Variants in PDLIM3 observed in about 807,000 individuals in gnomAD.
The protein encoded by PDLIM3 is PDZ and LIM domain 3, also known as PDZ and LIM domain protein 3.
In PDLIM3, 36 loss-of-function variants were observed where a neutral mutation model predicts 37.3. That is an observed-to-expected ratio of 0.97 (90% CI 0.74 to 1.28). PDLIM3 has a LOEUF of 1.28. Ranked by LOEUF, PDLIM3 falls within the 50% of genes most tolerant of loss-of-function variation. The probability of loss-of-function intolerance (pLI) is 0.00; values close to 1 mark genes in which losing one functional copy is unlikely to be tolerated. For missense variants in PDLIM3, 454 were observed against 485.0 expected (o/e 0.94, Z 0.60); for synonymous variants, 174 against 182.4 (o/e 0.95, Z 0.37).
At position 185,502,112 on chromosome 4, in the gene PDLIM3, T is replaced by C; in HGVS notation, c.*182A>G. 6 of 667,150 alleles carry C rather than the reference T, an allele frequency of 9.0e-6. No homozygotes were observed. The South Asian group carries it at 1.1e-4, about 12-fold the overall frequency. The allele number at this position is 667,150 out of a possible 1,614,324, so 41.3% of individuals were successfully genotyped here. A position where few individuals can be genotyped will look rare whatever the true frequency, so the allele number is the denominator to read the frequency against. ...AAACATAGCTAAGTGTATGTTTTTT[T>C]CACATAGCAGGCATTTGCCTCCCAT... is the stretch of plus-strand genomic sequence containing the variant. On this transcript the variant is annotated 3_prime_UTR_variant, in exon 8 of 8. Transcript: ENST00000284767.
intron 7 of PDLIM3, among the ~76,000 whole-genome samples, chr4:185,503,418 G>A (rs141983046): frequency 4.2e-4 from 64 of 152,274 alleles, no homozygotes; most frequent in African/African-American, 1.5e-3. Flanking sequence ...CGAGCTCCCT[G>A]CCCTGCTTTG....
chr4:185,511,356 T>C (rs1404834474), intron 4 of PDLIM3, among the ~76,000 whole-genome samples: 1 of 126,960 alleles, frequency 7.9e-6, no homozygotes, highest in Admixed American at 8.3e-5. Context: ...ATTTAGCATG[T>C]CCAACTTACT....
intron 4 of PDLIM3, chr4:185,513,445 C>A (rs2095709787): frequency 1.1e-6 from 1 of 938,730 alleles, no homozygotes; most frequent in Non-Finnish European, 1.3e-6. Flanking sequence ...GGCCGTGTCT[C>A]ACACACTTAA....
chr4:185,509,355 T>C (rs1327991041), intron 4 of PDLIM3, among the ~76,000 whole-genome samples: 4 of 152,202 alleles, frequency 2.6e-5, no homozygotes, highest in Non-Finnish European at 5.9e-5. Flanking sequence ...GATGCTTATA[T>C]TTCTTACATA....
At chr4:185,526,391 CAG>C (rs1268751260) in intron 1 of PDLIM3, among the ~76,000 whole-genome samples, 2 of 152,188 alleles carry the variant, frequency 1.3e-5, no homozygotes, top group African/African-American at 2.4e-5. Flanking sequence ...ACTTAAAAAA[CAG>C]AGACTATCAA....
chr4:185,513,334 G>A lies in PDLIM3; in HGVS notation c.398+936C>T, dbSNP rs370419493. The A allele has an allele frequency of 5.0e-5, 49 of 985,256 alleles. No homozygotes were observed. In the East Asian group the frequency reaches 3.1e-3, roughly 62 times the overall value. The allele number at this position is 985,256 out of a possible 1,614,324, so 61.0% of individuals were successfully genotyped here. A position where few individuals can be genotyped will look rare whatever the true frequency, so the allele number is the denominator to read the frequency against. ...GTAGCTTCCTGAAAGGTCTGGACAT[G>A]GAAATCATACATAAGGGATGACCTG... On this transcript the variant is annotated intron_variant, in intron 4 of 7. Coordinates refer to ENST00000284767, the MANE Select transcript of PDLIM3 (RefSeq NM_014476.6).
intron 4 of PDLIM3, chr4:185,512,631 T>TA: frequency 2.0e-6 from 2 of 975,804 alleles, no homozygotes; most frequent in Non-Finnish European, 2.4e-6. Context: ...AGGTTTTTAG[T>TA]AAAGGCAGGA....
chr4:185,508,470 A>C lies in PDLIM3; in HGVS notation c.491T>G (p.Leu164Trp). 2 of 1,614,224 alleles carry C rather than the reference A, an allele frequency of 1.2e-6. No individual in the cohort carries two copies. The highest frequency in any genetic ancestry group is 1.7e-6 in the Non-Finnish European group (2 of 1,180,038). Residue 164 changes from leucine to tryptophan, a missense_variant, in exon 5 of 8, where the codon TTG (leucine) becomes TGG (tryptophan). By Grantham distance (61) the Leu-to-Trp change is moderately conservative. Transcript: ENST00000284767. ...AGGGGCCAGCTTAGCCGCAACTTTC[A>C]AGTCACCTGGGCAAATGGTACTAAC... ...STVSTICPGD[L>W]KVAAKLAPNI... is the part of the protein sequence containing the mutation.
In PDLIM3 at chr4:185,504,443, T is replaced by A; in HGVS notation, c.905+32A>T. ...AGAAATGAACTGTCGCCAAGCTGTATCGTAAATTCCAGGGTTAAAAGTGAA... is the reference window on the plus strand; with the variant it reads ...AGAAATGAACTGTCGCCAAGCTGTAACGTAAATTCCAGGGTTAAAAGTGAA... On this transcript the variant is annotated intron_variant, in intron 7 of 7. Transcript: ENST00000284767. This position sits in a 1 kb window ranked among gnomAD's most constrained non-coding sequence, Gnocchi z 4.7. The A allele has an allele frequency of 6.6e-7, 1 of 1,520,556 alleles. No homozygotes were observed. Among genetic ancestry groups the A allele is most frequent in the Non-Finnish European group, 9.1e-7 (1 of 1,095,256 alleles). 94.2% of individuals were successfully genotyped at this position (1,520,556 alleles called of 1,614,324 possible). A position where few individuals can be genotyped will look rare whatever the true frequency, so the allele number is the denominator to read the frequency against.
chr4:185,511,301 A>AACT (rs2095706133), intron 4 of PDLIM3, among the ~76,000 whole-genome samples: 1 of 152,234 alleles, frequency 6.6e-6, no homozygotes, highest in Non-Finnish European at 1.5e-5. Context: ...TAATCAAAAG[A>AACT]ACTATAGCTA....
At chr4:185,505,321 T>A (rs1160112262) in intron 6 of PDLIM3, among the ~76,000 whole-genome samples, 2 of 152,222 alleles carry the variant, frequency 1.3e-5, no homozygotes. Flanking sequence ...CTATTGTGAA[T>A]AAGATAAATG....
chr4:185,525,505 AAT>A (rs1371484483), intron 1 of PDLIM3, among the ~76,000 whole-genome samples: 7 of 152,080 alleles, frequency 4.6e-5, no homozygotes, highest in Non-Finnish European at 7.4e-5. Flanking sequence ...TCTATTTGGG[AAT>A]AGAGTTTTAC....
chr4:185,508,328 T>C lies in PDLIM3; in HGVS notation c.633A>G (p.Ser211=), dbSNP rs771159457. Residue 211 remains serine, a synonymous_variant, in exon 5 of 8, where the codon TCA becomes TCG. Transcript: ENST00000284767. ...TCAAAGGTGTTTCCCCTAGGGCTGT[T>C]GAAACCTGACCCTGGAGTGTTTCCA... The part of the protein sequence containing the change: ...NIMETLQGQV[S]TALGETPLMS... 1 of 1,614,194 alleles carries C rather than the reference T, an allele frequency of 6.2e-7. No homozygotes were observed. The highest frequency in any genetic ancestry group is 1.1e-5 in the South Asian group (1 of 91,086).
chr4:185,530,774 A>G (rs762626846), intron 1 of PDLIM3, among the ~76,000 whole-genome samples: 5 of 152,158 alleles, frequency 3.3e-5, no homozygotes, highest in Non-Finnish European at 5.9e-5. Flanking sequence ...CCCTTTGTCC[A>G]GCGTATCCAC....
At chr4:185,509,664 A>G (rs1428953986) in intron 4 of PDLIM3, among the ~76,000 whole-genome samples, 1 of 152,222 alleles carries the variant, frequency 6.6e-6, no homozygotes, top group Non-Finnish European at 1.5e-5. Flanking sequence ...GTAAATATTT[A>G]TCATACTTTC....
chr4:185,535,280 C>T (rs1236415882), intron 1 of PDLIM3, 62 bp downstream of exon 1: 31 of 1,426,576 alleles, frequency 2.2e-5, no homozygotes, highest in Non-Finnish European at 2.9e-5. Context: ...GCATCCACTG[C>T]GTCCCCCCGG....
chr4:185,519,447 G>C (rs917161046), intron 3 of PDLIM3, among the ~76,000 whole-genome samples: 2 of 152,142 alleles, frequency 1.3e-5, no homozygotes, highest in South Asian at 2.1e-4. Flanking sequence ...CACCACATCT[G>C]GCTAATTTTT....
intron 1 of PDLIM3, among the ~76,000 whole-genome samples, chr4:185,526,842 C>A (rs1322037422): frequency 1.3e-5 from 2 of 152,194 alleles, no homozygotes; most frequent in African/African-American, 4.8e-5. Context: ...TCCTTCTCAA[C>A]CTTTAGGTCT....
chr4:185,504,928 T>C lies in PDLIM3; in HGVS notation c.794-342A>G, dbSNP rs914675174. Reference sequence around the variant, plus strand: ...TCAATGACATTAGGTACATCCAAAATGTTGTGCAAGCACTGCCAATATCCA... The same window carrying C: ...TCAATGACATTAGGTACATCCAAAACGTTGTGCAAGCACTGCCAATATCCA... On this transcript the variant is annotated intron_variant, in intron 6 of 7. Transcript: ENST00000284767. This position sits in a 1 kb window ranked among gnomAD's most constrained non-coding sequence, Gnocchi z 4.7. Among the ~76,000 whole-genome samples, 7 of 152,224 alleles carry C rather than the reference T, an allele frequency of 4.6e-5. No individual in the cohort carries two copies. Among genetic ancestry groups the C allele is most frequent in the African/African-American group, 1.7e-4 (7 of 41,454 alleles).
Sources: gnomAD v4.1 joint callset for allele counts (sites outside exome capture counted in the v4.1 genomes callset) on GRCh38, gnomAD v4.1.1 for gene constraint, Gnocchi (gnomAD v3.1) non-coding constraint, MANE v1.5 for transcripts, NCBI Gene and HGNC (gene_info 2026-07-23, HGNC 2026-07-21) for gene names.